The following OGT variants were observed in gnomAD, a reference collection of about 807,000 sequenced individuals.
OGT encodes UDP-N-acetylglucosamine--peptide N-acetylglucosaminyltransferase 110 kDa subunit.
A neutral mutation model predicts 75.8 loss-of-function variants in OGT; 3 were observed. That is an observed-to-expected ratio of 0.04 (90% CI 0.02 to 0.10). OGT has a LOEUF of 0.10. Ranked by LOEUF, OGT falls within the 10% of genes least tolerant of loss-of-function variation. The pLI, the probability that OGT is intolerant of heterozygous loss-of-function variation, is 1.00. For synonymous variants in OGT, 257 were observed against 289.7 expected, an observed-to-expected ratio of 0.89 and a Z score of 1.15; for missense variants, 260 against 824.4, an observed-to-expected ratio of 0.32 and a Z score of 8.38.
intron 1 of OGT, among the ~76,000 whole-genome samples, chrX:71,534,657 G>A (rs2040162613): frequency 9.0e-6 from 1 of 111,057 alleles, no homozygotes; most frequent in African/African-American, 3.3e-5. Context: ...CGTCTCCACC[G>A]TGATTTTCAA....
chrX:71,543,794 T>A (rs1391892643), intron 3 of OGT, among the ~76,000 whole-genome samples: 4 of 94,687 alleles, frequency 4.2e-5, no homozygotes, highest in Non-Finnish European at 8.6e-5. Flanking sequence ...ATATATATAT[T>A]TCCTTTTTTT....
chrX:71,542,354 T>C (rs758145660), intron 3 of OGT, among the ~76,000 whole-genome samples: 2 of 112,110 alleles, frequency 1.8e-5, no homozygotes, highest in South Asian at 3.6e-4. Flanking sequence ...AACAGGAGAA[T>C]TGGATTTCAC....
chrX:71,555,241 G>C lies in OGT; in HGVS notation c.780G>C (p.Val260=), dbSNP rs368669080. ...TAAGTTTGAGTCCAAATCACGCAGT[G>C]GTGCACGGCAACCTGGCTTGTGTAT... ...RALSLSPNHA[V]VHGNLACVYY... The change falls in exon 7 of 22, where the codon GTG becomes GTC. Residue 260 remains valine, a synonymous_variant. Transcript: ENST00000373719. The C allele has an allele frequency of 3.3e-6, 4 of 1,205,715 alleles. No individual in the cohort carries two copies. The African/African-American group carries it at 7.1e-5, about 22-fold the overall frequency.
chrX:71,538,130 G>A (rs1158981567), intron 3 of OGT, 58 bp downstream of exon 3: 3 of 1,151,679 alleles, frequency 2.6e-6, no homozygotes, highest in Admixed American at 4.6e-5. Context: ...GAAACATAGT[G>A]TGATATTTCA....
chrX:71,536,597 G>A, intron 2 of OGT: 1 of 288,397 alleles, frequency 3.5e-6, no homozygotes, highest in Non-Finnish European at 6.0e-6. Context: ...TTTCTATCTG[G>A]GTCTGCTGCT....
At chrX:71,562,007 A>G in intron 15 of OGT, 107 bp downstream of exon 15, 1 of 812,905 alleles carries the variant, frequency 1.2e-6, no homozygotes, top group Non-Finnish European at 1.7e-6. Flanking sequence ...TGTAGGGCAG[A>G]CATACTTTTA....
intron 4 of OGT, 49 bp from the exon 5 acceptor site, chrX:71,547,858 T>C: frequency 8.7e-7 from 1 of 1,151,683 alleles, no homozygotes; most frequent in Non-Finnish European, 1.2e-6. Flanking sequence ...TTTTCCCCTT[T>C]CCCTTTACCT....
At chrX:71,542,790 A>G (rs1374284388) in intron 3 of OGT, among the ~76,000 whole-genome samples, 1 of 112,738 alleles carries the variant, frequency 8.9e-6, no homozygotes, top group East Asian at 2.8e-4. Context: ...CTTTCAGTTT[A>G]GAAAAAAACA....
intron 3 of OGT, among the ~76,000 whole-genome samples, chrX:71,538,704 A>G (rs1416533131): frequency 1.8e-5 from 2 of 112,180 alleles, no homozygotes; most frequent in Non-Finnish European, 3.8e-5. Flanking sequence ...TCTCCGAAAG[A>G]TACAAAAACA....
chrX:71,545,573 C>G (rs1364218564), intron 4 of OGT: 1 of 112,556 alleles, frequency 8.9e-6, no homozygotes, highest in African/African-American at 3.2e-5. Context: ...TTGCTCTGAG[C>G]CCCACGCGCA....
intron 8 of OGT, chrX:71,556,420 G>A: frequency 2.8e-6 from 1 of 361,072 alleles, no homozygotes; most frequent in Non-Finnish European, 4.8e-6. Flanking sequence ...TGTGGTAGGA[G>A]TTTAGCAGAG....
intron 18 of OGT, among the ~76,000 whole-genome samples, 174 bp from the exon 19 acceptor site, chrX:71,564,427 T>G: frequency 8.9e-6 from 1 of 112,133 alleles, no homozygotes; most frequent in Non-Finnish European, 1.9e-5. Context: ...TAGTGCAGTC[T>G]CCCCCAACTT....
chrX:71,542,552 T>C (rs1482669426), intron 3 of OGT, among the ~76,000 whole-genome samples: 1 of 111,680 alleles, frequency 9.0e-6, no homozygotes, highest in Non-Finnish European at 1.9e-5. Flanking sequence ...CATCCAAGAG[T>C]TCATAGAAAC....
At chrX:71,537,745 T>A in intron 2 of OGT, 84 bp from the exon 3 acceptor site, 1 of 1,084,388 alleles carries the variant, frequency 9.2e-7, no homozygotes, top group Non-Finnish European at 1.3e-6. Flanking sequence ...AGCACAGATC[T>A]CAAACTGTTT....
chrX:71,537,791 G>A (rs1569423810), intron 2 of OGT, 38 bp from the exon 3 acceptor site: 5 of 1,205,736 alleles, frequency 4.1e-6, no homozygotes, highest in East Asian at 3.0e-5. Context: ...TTTCTGTAAC[G>A]TGCATACCCA....
Position 71,555,379 on chromosome X carries a change from G to A in OGT, c.918G>A (p.Lys306=). The change falls in exon 7 of 22, where the codon AAG becomes AAA. Residue 306 remains lysine, a synonymous_variant. Coordinates refer to ENST00000373719, the MANE Select transcript of OGT (RefSeq NM_181672.3). ...YCNLANALKE[K]GSVAEAEDCY... The stretch of plus-strand genomic sequence containing the variant: ...ACCTAGCCAATGCTCTCAAAGAGAA[G>A]GGCAGTGTAAGGATTTTTACTCATT... The A allele has an allele frequency of 8.3e-7, 1 of 1,207,978 alleles. No homozygotes were observed. Among genetic ancestry groups the A allele is most frequent in the Non-Finnish European group, 1.1e-6 (1 of 892,787 alleles).
rs140346493 is a variant in OGT, at chrX:71,534,648, G to A, written c.37+1312G>A. Among the ~76,000 whole-genome samples, 1,024 of 110,865 alleles carry A rather than the reference G, an allele frequency of 9.2e-3. 10 individuals carry two copies. The highest frequency in any genetic ancestry group is 0.032 in the African/African-American group (985 of 30,450). Reference sequence around the variant, plus strand: ...AATTAGTCCGTGCTCCTCTCCCCACGTCTCCACCGTGATTTTCAAAGGTTT... The same window carrying A: ...AATTAGTCCGTGCTCCTCTCCCCACATCTCCACCGTGATTTTCAAAGGTTT... On this transcript the variant is annotated intron_variant, in intron 1 of 21. Coordinates refer to ENST00000373719, the MANE Select transcript of OGT (RefSeq NM_181672.3).
chrX:71,547,369 A>T (rs1202579980), intron 4 of OGT: 1 of 677,639 alleles, frequency 1.5e-6, no homozygotes, highest in African/African-American at 2.4e-5. Context: ...AGTTCAGGGA[A>T]CCCTGTTACA....
chrX:71,544,471 T>A (rs1373137168), intron 3 of OGT, 96 bp from the exon 4 acceptor site: 26 of 789,638 alleles, frequency 3.3e-5, no homozygotes, highest in Non-Finnish European at 4.8e-5. Context: ...GTTGATAGAA[T>A]AAAATGGCAG....
Sources: allele counts gnomAD v4.1 joint callset (sites outside exome capture counted in the v4.1 genomes callset), GRCh38; gene constraint gnomAD v4.1.1; transcripts MANE v1.5; gene names NCBI Gene and HGNC (gene_info 2026-07-23, HGNC 2026-07-21).